DYM: variants seen among roughly 807,000 people sequenced by gnomAD.
DYM encodes dymeclin.
Under a neutral mutation model 93.1 loss-of-function variants are expected in DYM, and 78 were observed. That is an observed-to-expected ratio of 0.84 (90% CI 0.70 to 1.01). The LOEUF (loss-of-function observed/expected upper bound fraction) is 1.01. Ranked by LOEUF, DYM falls within the 50% of genes least tolerant of loss-of-function variation. DYM has a pLI of 0.00. For synonymous variants in DYM, 321 were observed against 319.7 expected, an observed-to-expected ratio of 1.00 and a Z score of -0.04; for missense variants, 789 against 845.0, an observed-to-expected ratio of 0.93 and a Z score of 0.82.
At chr18:49,277,186 G>C (rs934153132) in intron 10 of DYM, among the ~76,000 whole-genome samples, 3 of 152,150 alleles carry the variant, frequency 2.0e-5, no homozygotes, top group Non-Finnish European at 4.4e-5. Context: ...ACATGGATAT[G>C]AGATACAGGT....
At chr18:49,358,928 A>T (rs2065791688) in intron 6 of DYM, among the ~76,000 whole-genome samples, 1 of 152,206 alleles carries the variant, frequency 6.6e-6, no homozygotes, top group South Asian at 2.1e-4. Flanking sequence ...ACAGCATCAC[A>T]AGCAGCCCCA....
At chr18:49,384,757 G>A (rs1402320250) in intron 3 of DYM, among the ~76,000 whole-genome samples, 1 of 151,924 alleles carries the variant, frequency 6.6e-6, no homozygotes, top group African/African-American at 2.4e-5. Flanking sequence ...AGAACTGGCA[G>A]TGTAGAAAAC....
intron 14 of DYM, among the ~76,000 whole-genome samples, chr18:49,202,834 C>T (rs1273549813): frequency 4.9e-5 from 4 of 81,522 alleles, no homozygotes; most frequent in African/African-American, 1.3e-4. Context: ...CCTCTCCGCC[C>T]GGCAGCCACC....
chr18:49,127,505 G>A (rs2082934723), intron 15 of DYM, among the ~76,000 whole-genome samples: 1 of 152,126 alleles, frequency 6.6e-6, no homozygotes, highest in South Asian at 2.1e-4. Context: ...GTTTGTATTA[G>A]TTTTGGGGGG....
chr18:49,296,921 T>C (rs1349719821), intron 8 of DYM, among the ~76,000 whole-genome samples: 3 of 152,228 alleles, frequency 2.0e-5, no homozygotes, highest in African/African-American at 7.2e-5. Flanking sequence ...AGTCTTCCTG[T>C]AGACTCCTTG....
At chr18:49,205,549 C>T (rs979717394) in intron 14 of DYM, among the ~76,000 whole-genome samples, 2 of 151,898 alleles carry the variant, frequency 1.3e-5, no homozygotes, top group African/African-American at 2.4e-5. Flanking sequence ...ATATCAAATT[C>T]TGGATATCAA....
intron 8 of DYM, among the ~76,000 whole-genome samples, chr18:49,300,739 G>A (rs1331316957): frequency 6.6e-6 from 1 of 152,122 alleles, no homozygotes; most frequent in Non-Finnish European, 1.5e-5. Flanking sequence ...ACATTGTATA[G>A]ATATATTCCT....
intron 15 of DYM, among the ~76,000 whole-genome samples, chr18:49,120,178 G>GA (rs1316450632): frequency 7.9e-5 from 12 of 151,144 alleles, no homozygotes; most frequent in African/African-American, 2.4e-4. Context: ...CAGGAAGGCA[G>GA]AAAAAATGCA....
intron 16 of DYM, among the ~76,000 whole-genome samples, chr18:49,111,377 C>T (rs941191130): frequency 6.6e-6 from 1 of 152,150 alleles, no homozygotes; most frequent in Admixed American, 6.5e-5. Context: ...TGAGTCATCA[C>T]TGAGTCTGGG....
At chr18:49,122,455 G>A (rs905643802) in intron 15 of DYM, among the ~76,000 whole-genome samples, 1 of 152,164 alleles carries the variant, frequency 6.6e-6, no homozygotes, top group Non-Finnish European at 1.5e-5. Context: ...GCACGTGTGA[G>A]GGATCTGGGT....
intron 13 of DYM, among the ~76,000 whole-genome samples, chr18:49,216,068 G>A (rs2093023198): frequency 1.3e-5 from 2 of 152,206 alleles, no homozygotes; most frequent in Admixed American, 6.5e-5. Context: ...CTTTTCCGAT[G>A]GGCTTAAAAA....
intron 15 of DYM, among the ~76,000 whole-genome samples, chr18:49,127,204 C>T (rs977207806): frequency 6.6e-6 from 1 of 152,156 alleles, no homozygotes. Context: ...AATGGGCATA[C>T]TTATTTTACT....
intron 14 of DYM, among the ~76,000 whole-genome samples, chr18:49,189,535 G>A (rs2090770253): frequency 6.6e-6 from 1 of 152,038 alleles, no homozygotes; most frequent in Non-Finnish European, 1.5e-5. Context: ...GCCCAGAAAT[G>A]ACCAAATAAC....
intron 15 of DYM, among the ~76,000 whole-genome samples, chr18:49,149,142 G>A (rs900380405): frequency 6.6e-6 from 1 of 152,108 alleles, no homozygotes; most frequent in African/African-American, 2.4e-5. Flanking sequence ...TCACAATAGG[G>A]TTGGCGCTCC....
chr18:49,117,948 C>T (rs973856224), intron 16 of DYM, among the ~76,000 whole-genome samples: 6 of 149,666 alleles, frequency 4.0e-5, no homozygotes, highest in Non-Finnish European at 7.4e-5. Flanking sequence ...CTGCCCATCT[C>T]GGCCTCCCAA....
intron 2 of DYM, among the ~76,000 whole-genome samples, chr18:49,409,842 T>C (rs919918707): frequency 1.2e-4 from 18 of 152,224 alleles, no homozygotes; most frequent in Non-Finnish European, 1.9e-4. Context: ...GGCTACAGTT[T>C]GCAAGTGAAA....
At chr18:49,446,137 T>C (rs2148657508) in intron 1 of DYM, among the ~76,000 whole-genome samples, 1 of 152,298 alleles carries the variant, frequency 6.6e-6, no homozygotes, top group Admixed American at 6.5e-5. Context: ...AAAGAATTTT[T>C]AGGGCCAGGT....
chr18:49,408,377 C>G (rs538576483), intron 2 of DYM, among the ~76,000 whole-genome samples: 9 of 152,290 alleles, frequency 5.9e-5, no homozygotes, highest in East Asian at 5.8e-4. Context: ...CTATGAATGT[C>G]TTTACACATG....
intron 17 of DYM, among the ~76,000 whole-genome samples, chr18:49,068,956 C>G (rs759513161): frequency 6.6e-6 from 1 of 152,144 alleles, no homozygotes; most frequent in Non-Finnish European, 1.5e-5. Context: ...TTTACAATGT[C>G]AAGTTTTCAG....
Sources: allele counts gnomAD v4.1 joint callset (sites outside exome capture counted in the v4.1 genomes callset), GRCh38; gene constraint gnomAD v4.1.1; transcripts MANE v1.5; gene names NCBI Gene and HGNC (gene_info 2026-07-23, HGNC 2026-07-21).